ENG: variants seen among roughly 807,000 people sequenced by gnomAD.
The protein encoded by ENG is CD105 antigen.
Under a neutral mutation model 71.0 loss-of-function variants are expected in ENG, and 17 were observed. The observed-to-expected ratio is 0.24, with a 90% CI of 0.16 to 0.36. ENG has a LOEUF of 0.36. Among genes scored for constraint, ENG ranks in the 10% least tolerant of loss-of-function variants. ENG has a pLI of 1.00. For missense variants in ENG, 749 were observed against 868.3 expected, an observed-to-expected ratio of 0.86 and a Z score of 1.73; for synonymous variants, 360 against 366.9, an observed-to-expected ratio of 0.98 and a Z score of 0.21.
At chr9:127,843,664 T>C (rs922132364) in intron 1 of ENG, among the ~76,000 whole-genome samples, 2 of 126,190 alleles carry the variant, frequency 1.6e-5, no homozygotes, top group East Asian at 4.5e-4. Flanking sequence ...CACACACATA[T>C]ACATAGATCT....
intron 1 of ENG, among the ~76,000 whole-genome samples, chr9:127,843,757 T>TATATA (rs1831105965): frequency 4.7e-3 from 24 of 5,154 alleles, no homozygotes; most frequent in South Asian, 0.011. Context: ...ATATATATAT[T>TATATA]TTTTTTTTTT....
intron 2 of ENG, among the ~76,000 whole-genome samples, chr9:127,837,340 G>A (rs565777327): frequency 1.3e-5 from 2 of 152,212 alleles, no homozygotes; most frequent in Admixed American, 1.3e-4. Context: ...CTGCCTTCTG[G>A]GGGTCCCAGC....
At chr9:127,850,078 C>T (rs1831253906) in intron 1 of ENG, among the ~76,000 whole-genome samples, 1 of 152,202 alleles carries the variant, frequency 6.6e-6, no homozygotes, top group Non-Finnish European at 1.5e-5. Context: ...AGGGTCCCTT[C>T]AGCCTCCAAG....
Position 127,846,417 on chromosome 9 carries a change from C to A in ENG, c.68-3172G>T, listed in dbSNP as rs765008893. ...TCTCCCAACATGACCCAGTGTCTGGCCTGCAGATTATCGCAGCGCCTCCCT... is the reference window on the plus strand; with the variant it reads ...TCTCCCAACATGACCCAGTGTCTGGACTGCAGATTATCGCAGCGCCTCCCT... On this transcript the variant is annotated intron_variant, in intron 1 of 14. Transcript: ENST00000373203. The surrounding 1 kb of genome is among the most constrained non-coding windows in gnomAD (Gnocchi z 5.5). Among the ~76,000 whole-genome samples, 1 of 152,190 alleles carries A rather than the reference C, an allele frequency of 6.6e-6. No homozygotes were observed. Among genetic ancestry groups the A allele is most frequent in the African/African-American group, 2.4e-5 (1 of 41,444 alleles).
rs142961458 is a variant in ENG at position 127,825,718 on chromosome 9, C to T, written c.666G>A (p.Arg222=). ...VAGHKEAHIL[R]VLPGHSAGPR... ...ACCCGGCCGAGTGGCCCGGCAGGAC[C>T]CTCAGGATGTGCGCCTCCTTGTGGC... The change falls in exon 5 of 15, where the codon AGG becomes AGA. Residue 222 remains arginine (R), a synonymous_variant. Coordinates refer to ENST00000373203, the MANE Select transcript of ENG (RefSeq NM_001114753.3). The T allele has an allele frequency of 4.4e-6, 7 of 1,593,626 alleles. No homozygotes were observed. In the African/African-American group the frequency reaches 5.4e-5, roughly 12 times the overall value.
intron 8 of ENG, 124 bp from the exon 9 acceptor site, chr9:127,820,161 C>T (rs1393073638): frequency 3.0e-6 from 4 of 1,335,884 alleles, no homozygotes; most frequent in Non-Finnish European, 4.0e-6. Flanking sequence ...TGCCCTGCTC[C>T]CTCTTCATTT....
intron 8 of ENG, among the ~76,000 whole-genome samples, chr9:127,823,663 C>G (rs1385002877): frequency 7.0e-6 from 1 of 142,926 alleles, no homozygotes; most frequent in Non-Finnish European, 1.5e-5. Context: ...GCTGGGATTA[C>G]AGGCACCGGC....
At chr9:127,833,448 G>A (rs1484936556) in intron 2 of ENG, among the ~76,000 whole-genome samples, 1 of 150,060 alleles carries the variant, frequency 6.7e-6, no homozygotes, top group African/African-American at 2.5e-5. Context: ...TTGAACCCCA[G>A]GAGGCGGAGG....
chr9:127,845,031 G>T lies in ENG; in HGVS notation c.68-1786C>A, dbSNP rs182682825. Among the ~76,000 whole-genome samples the T allele has an allele frequency of 1.0e-3, 157 of 152,358 alleles. 2 individuals carry two copies. The highest frequency in any genetic ancestry group is 8.6e-3 in the Admixed American group (132 of 15,312). On this transcript the variant is annotated intron_variant, in intron 1 of 14. Coordinates refer to ENST00000373203, the MANE Select transcript of ENG (RefSeq NM_001114753.3). ...ACCCAGCAGGGTCGGAAAAGGAAAT[G>T]AGGCTCCTACACCTCGTCCTGAGGA...
intron 1 of ENG, among the ~76,000 whole-genome samples, chr9:127,850,782 G>A (rs1400948229): frequency 3.9e-5 from 6 of 152,332 alleles, no homozygotes; most frequent in Admixed American, 3.3e-4. Flanking sequence ...CCTTGCTGCC[G>A]GGACGCAATC....
chr9:127,817,059 T>C (rs1174766158), intron 13 of ENG, 90 bp downstream of exon 13: 17 of 1,474,010 alleles, frequency 1.2e-5, no homozygotes, highest in Admixed American at 1.7e-5. Flanking sequence ...CCATGTGCTA[T>C]GTGCCCAGGC....
intron 3 of ENG, among the ~76,000 whole-genome samples, chr9:127,827,580 C>A (rs1830652331): frequency 6.6e-6 from 1 of 152,134 alleles, no homozygotes; most frequent in African/African-American, 2.4e-5. Flanking sequence ...GTCTCCAAAG[C>A]CAAGGGCATT....
chr9:127,818,571 C>T (rs950421970), intron 11 of ENG, 145 bp downstream of exon 11: 2 of 1,363,868 alleles, frequency 1.5e-6, no homozygotes, highest in African/African-American at 2.9e-5. Flanking sequence ...GCAATGCCTT[C>T]TCTGTCTCTC....
chr9:127,837,420 G>A (rs1830924446), intron 2 of ENG, among the ~76,000 whole-genome samples: 1 of 152,128 alleles, frequency 6.6e-6, no homozygotes, highest in South Asian at 2.1e-4. Flanking sequence ...GCCCTGGAGA[G>A]ATATGCTTCT....
rs1163484279 is a variant in ENG at position 127,836,941 on chromosome 9, C to G, written c.219+6153G>C. On this transcript the variant is annotated intron_variant, in intron 2 of 14. Coordinates refer to ENST00000373203, the MANE Select transcript of ENG (RefSeq NM_001114753.3). This position sits in a 1 kb window ranked among gnomAD's most constrained non-coding sequence, Gnocchi z 4.0. ...TAGCTGGGACTACAGGCACCCACCACCATGCTCAGCTAATTTTTGTATTTT... is the reference window on the plus strand; with the variant it reads ...TAGCTGGGACTACAGGCACCCACCAGCATGCTCAGCTAATTTTTGTATTTT... Among the ~76,000 whole-genome samples, 2 of 152,180 alleles carry G rather than the reference C, an allele frequency of 1.3e-5. No homozygotes were observed. Among genetic ancestry groups the G allele is most frequent in the Admixed American group, 6.5e-5 (1 of 15,280 alleles).
In ENG at chr9:127,854,384, G is replaced by A. The variant is rs1204029295; in HGVS notation, c.-29C>T. On this transcript the variant is annotated 5_prime_UTR_variant, in exon 1 of 15. Coordinates refer to ENST00000373203, the MANE Select transcript of ENG (RefSeq NM_001114753.3). ...GTCCACGTGGGGGCCTGTGCGCTGG[G>A]CCTTATCCTGTGTCCAGTGGCAGGG... The A allele has an allele frequency of 6.4e-7, 1 of 1,563,572 alleles. No homozygotes were observed. Among genetic ancestry groups the A allele is most frequent in the Non-Finnish European group, 8.7e-7 (1 of 1,154,272 alleles).
intron 2 of ENG, among the ~76,000 whole-genome samples, chr9:127,833,909 A>G (rs7034094): frequency 0.99 from 151,533 of 152,358 alleles, 75,357 homozygotes; most frequent in Middle Eastern, 1. Flanking sequence ...ACAAATAATA[A>G]TATTTCATTT....
chr9:127,821,629 G>T (rs1830468165), intron 8 of ENG: 3 of 152,002 alleles, frequency 2.0e-5, no homozygotes, highest in Admixed American at 2.0e-4. Flanking sequence ...TGTAATCCCA[G>T]CACTTTGGGA....
Position 127,819,879 on chromosome 9 carries a change from CT to C in ENG, c.1272+20del, listed in dbSNP as rs1469810672. The C allele has an allele frequency of 1.2e-6, 2 of 1,614,094 alleles. No homozygotes were observed. Among genetic ancestry groups the C allele is most frequent in the Non-Finnish European group, 8.5e-7 (1 of 1,180,054 alleles). On this transcript the variant is annotated intron_variant, in intron 9 of 14. Coordinates refer to ENST00000373203, the MANE Select transcript of ENG (RefSeq NM_001114753.3). ...GCACCAACCAGGCTGGTCCTGATAC[CT>C]TTTTGGCCCCAGCTCTTACCTCATT...
Sources: allele counts gnomAD v4.1 joint callset (sites outside exome capture counted in the v4.1 genomes callset), GRCh38; gene constraint gnomAD v4.1.1; non-coding constraint Gnocchi (gnomAD v3.1); transcripts MANE v1.5; gene names NCBI Gene and HGNC (gene_info 2026-07-23, HGNC 2026-07-21).